CCDC171: variants seen among roughly 807,000 people sequenced by gnomAD.
CCDC171 encodes coiled-coil domain containing 171.
CCDC171 carries 177 observed loss-of-function variants against 168.2 expected under a neutral mutation model. That is an observed-to-expected ratio of 1.05 (90% CI 0.93 to 1.19). CCDC171 has a LOEUF of 1.19. Among genes scored for constraint, CCDC171 ranks in the 50% most tolerant of loss-of-function variants. CCDC171 has a pLI of 0.00. For missense variants in CCDC171, 1,991 were observed against 1,539.0 expected, an observed-to-expected ratio of 1.29 and a Z score of -4.91; for synonymous variants, 687 against 540.8, an observed-to-expected ratio of 1.27 and a Z score of -3.75.
chr9:15,624,308 T>A (rs1046165722), intron 7 of CCDC171, among the ~76,000 whole-genome samples: 15 of 152,174 alleles, frequency 9.9e-5, no homozygotes, highest in African/African-American at 1.2e-4. Context: ...GACAATTTTT[T>A]AAAATTAATT....
chr9:15,900,460 C>G (rs1032350016), intron 24 of CCDC171, among the ~76,000 whole-genome samples: 3 of 152,130 alleles, frequency 2.0e-5, no homozygotes. Context: ...GACTCTGCTT[C>G]TCAGGTGAGA....
rs537739810 is a variant in CCDC171 at position 15,671,582 on chromosome 9, C to T, written c.1076+5259C>T. On this transcript the variant is annotated intron_variant, in intron 9 of 25. Coordinates refer to ENST00000380701, the MANE Select transcript of CCDC171 (RefSeq NM_173550.4). Reference sequence around the variant, plus strand: ...GTACATGTGTTGTCATTGTTCAATTCCCACCTATGAGTGACAACATGCAGT... The same window carrying T: ...GTACATGTGTTGTCATTGTTCAATTTCCACCTATGAGTGACAACATGCAGT... Among the ~76,000 whole-genome samples, 24 of 130,610 alleles carry T rather than the reference C, an allele frequency of 1.8e-4. No homozygotes were observed. In the South Asian group the frequency reaches 6.2e-3, roughly 34 times the overall value. 85.7% of individuals were successfully genotyped at this position (130,610 alleles called of 152,430 possible).
At chr9:15,699,673 C>T (rs1033182572) in intron 11 of CCDC171, among the ~76,000 whole-genome samples, 1 of 152,140 alleles carries the variant, frequency 6.6e-6, no homozygotes, top group African/African-American at 2.4e-5. Flanking sequence ...GGTGAATTCA[C>T]AAACACTGAG....
At chr9:15,623,510 A>ACACACACACAC in intron 7 of CCDC171, 97 bp downstream of exon 7, 2 of 287,072 alleles carry the variant, frequency 7.0e-6, no homozygotes, top group Non-Finnish European at 1.1e-5. Context: ...CACACACATA[A>ACACACACACAC]AACCCATTCC....
intron 7 of CCDC171, among the ~76,000 whole-genome samples, chr9:15,635,921 C>G (rs574379022): frequency 3.2e-4 from 49 of 152,216 alleles, no homozygotes; most frequent in African/African-American, 1.2e-3. Flanking sequence ...TATAAGGGTT[C>G]TAGTTTCTCT....
chr9:15,721,584 A>G (rs1434225242), intron 11 of CCDC171, among the ~76,000 whole-genome samples, 185 bp from the exon 12 acceptor site: 1 of 147,464 alleles, frequency 6.8e-6, no homozygotes, highest in African/African-American at 2.5e-5. Context: ...ATACAGCAGT[A>G]TACTTGGAGA....
At chr9:15,737,013 T>C (rs2054540885) in intron 16 of CCDC171, among the ~76,000 whole-genome samples, 1 of 152,078 alleles carries the variant, frequency 6.6e-6, no homozygotes, top group African/African-American at 2.4e-5. Context: ...GTATGAAAAA[T>C]CTAAATAGTG....
chr9:15,943,553 A>C (rs1052356162), intron 25 of CCDC171, among the ~76,000 whole-genome samples: 8 of 151,962 alleles, frequency 5.3e-5, no homozygotes, highest in African/African-American at 1.9e-4. Flanking sequence ...TGGGATCTCG[A>C]AGTCAGACAT....
At chr9:16,002,751 G>T (rs1258162309) in intron 3 of CCDC171, among the ~76,000 whole-genome samples, 2 of 152,174 alleles carry the variant, frequency 1.3e-5, no homozygotes, top group Non-Finnish European at 2.9e-5. Context: ...AGTCCTGCAA[G>T]CTCCATTCAT....
chr9:15,846,009 G>A (rs1292029371), intron 21 of CCDC171, among the ~76,000 whole-genome samples: 1 of 152,060 alleles, frequency 6.6e-6, no homozygotes, highest in East Asian at 1.9e-4. Context: ...TTGTACTTCT[G>A]TGACTAAGAA....
chr9:15,754,765 T>C (rs553117653), intron 18 of CCDC171, among the ~76,000 whole-genome samples: 2 of 152,278 alleles, frequency 1.3e-5, no homozygotes, highest in East Asian at 3.9e-4. Flanking sequence ...CTCATAGAGT[T>C]ATTTAGAAGA....
At position 15,597,025 on chromosome 9, in the gene CCDC171, T is replaced by G. The variant is rs549361629; in HGVS notation, c.675+2853T>G. Among the ~76,000 whole-genome samples the G allele has an allele frequency of 1.5e-4, 23 of 152,276 alleles. 1 individual carries two copies. The highest frequency in any genetic ancestry group is 4.8e-4 in the African/African-American group (20 of 41,544). On this transcript the variant is annotated intron_variant, in intron 6 of 25. Coordinates refer to ENST00000380701, the MANE Select transcript of CCDC171 (RefSeq NM_173550.4). ...CCTGAGACTTTGCTGAAGTTGCTTA[T>G]CAGCTTAAGGAGATTTTGGGCTGAG...
rs1018570646 is a variant in CCDC171, at chr9:15,817,402, G to A, written c.3268-29300G>A. On this transcript the variant is annotated intron_variant, in intron 21 of 25. Transcript: ENST00000380701. ...GAGCCGAAGCAGGGCGAGGCATTGC[G>A]TCACCCGGGAAGCACAAGGGGTCAG... 1.6e-4 allele frequency among the ~76,000 whole-genome samples: 19 copies of A among 118,234 alleles called. 4 individuals are homozygous for A. Among genetic ancestry groups the A allele is most frequent in the South Asian group, 5.5e-4 (2 of 3,614 alleles). The allele number at this position is 118,234 out of a possible 152,430, so 77.6% of individuals were successfully genotyped here. A position where few individuals can be genotyped will look rare whatever the true frequency, so the allele number is the denominator to read the frequency against.
chr9:15,880,701 C>T (rs2131331641), intron 24 of CCDC171, among the ~76,000 whole-genome samples: 1 of 150,666 alleles, frequency 6.6e-6, no homozygotes, highest in South Asian at 2.1e-4. Flanking sequence ...GTCTCGAACT[C>T]CTGACCTCAA....
chr9:15,767,195 G>T (rs200643538), intron 18 of CCDC171, among the ~76,000 whole-genome samples: 3 of 152,160 alleles, frequency 2.0e-5, no homozygotes, highest in South Asian at 2.1e-4. Flanking sequence ...GATATTTCTG[G>T]AGATCAGATG....
chr9:15,935,717 T>G (rs926768173), intron 25 of CCDC171, among the ~76,000 whole-genome samples: 5 of 152,072 alleles, frequency 3.3e-5, no homozygotes, highest in Non-Finnish European at 7.4e-5. Flanking sequence ...GAGTATTTCC[T>G]TTTTTTATGC....
chr9:15,558,428 T>A (rs1461665675), intron 1 of CCDC171, among the ~76,000 whole-genome samples: 1 of 152,198 alleles, frequency 6.6e-6, no homozygotes, highest in Non-Finnish European at 1.5e-5. Context: ...ATTGGTCTTT[T>A]CAGGGATTCA....
Position 15,656,115 on chromosome 9 carries a change from CGA to C in CCDC171, c.823-1009_823-1008del, listed in dbSNP as rs2047907374. On this transcript the variant is annotated intron_variant, in intron 7 of 25. Coordinates refer to ENST00000380701, the MANE Select transcript of CCDC171 (RefSeq NM_173550.4). The stretch of plus-strand genomic sequence containing the variant: ...CGGGCAGATCACGAGGTCAGGAGAT[CGA>C]GACCATCCTGGCTAGCACGGTGAAA... Among the ~76,000 whole-genome samples, 5 of 152,008 alleles carry C rather than the reference CGA, an allele frequency of 3.3e-5. No homozygotes were observed. In the South Asian group the frequency reaches 1.0e-3, roughly 32 times the overall value.
chr9:15,829,494 AAGTT>A (rs1175960051), intron 21 of CCDC171, among the ~76,000 whole-genome samples: 1 of 152,218 alleles, frequency 6.6e-6, no homozygotes, highest in Non-Finnish European at 1.5e-5. Flanking sequence ...AGAGATGTGA[AAGTT>A]AGTAATTTTT....
Sources: allele counts gnomAD v4.1 joint callset (sites outside exome capture counted in the v4.1 genomes callset), GRCh38; gene constraint gnomAD v4.1.1; transcripts MANE v1.5; gene names NCBI Gene and HGNC (gene_info 2026-07-23, HGNC 2026-07-21).